PACC1: variants seen among roughly 807,000 people sequenced by gnomAD.
PACC1 encodes proton activated chloride channel 1.
In PACC1, 34 loss-of-function variants were observed where a neutral mutation model predicts 39.7. The observed-to-expected ratio is 0.86, with a 90% CI of 0.65 to 1.14. PACC1 has a LOEUF of 1.14. PACC1 is among the 50% of genes most tolerant of loss of function. The probability of loss-of-function intolerance (pLI) is 0.00; values close to 1 mark genes in which losing one functional copy is unlikely to be tolerated. For synonymous variants in PACC1, 127 were observed against 160.6 expected (o/e 0.79, Z 1.58); for missense variants, 379 against 436.4 (o/e 0.87, Z 1.17).
At chr1:212,378,500 TC>T (rs1660751897) in intron 5 of PACC1, among the ~76,000 whole-genome samples, 1 of 152,150 alleles carries the variant, frequency 6.6e-6, no homozygotes. Context: ...GGGAGCAGCC[TC>T]CCTGCCCCTG....
intron 2 of PACC1, among the ~76,000 whole-genome samples, chr1:212,401,503 G>A (rs1294467685): frequency 2.0e-5 from 3 of 151,102 alleles, no homozygotes; most frequent in Non-Finnish European, 2.9e-5. Context: ...GCACATGCTT[G>A]TAATCCCAGC....
intron 4 of PACC1, among the ~76,000 whole-genome samples, chr1:212,381,790 C>T (rs995527005): frequency 6.6e-6 from 1 of 151,292 alleles, no homozygotes; most frequent in Admixed American, 6.6e-5. Context: ...CACACACACA[C>T]ACACACTGCC....
intron 2 of PACC1, among the ~76,000 whole-genome samples, chr1:212,400,493 A>G (rs902568077): frequency 6.6e-6 from 1 of 152,212 alleles, no homozygotes; most frequent in Admixed American, 6.5e-5. Context: ...GCTTCTTTAC[A>G]GGCCTCTTCT....
intron 7 of PACC1, among the ~76,000 whole-genome samples, chr1:212,365,577 C>T (rs1427376872): frequency 2.0e-5 from 3 of 151,950 alleles, no homozygotes; most frequent in African/African-American, 4.8e-5. Flanking sequence ...ATTACAGGAA[C>T]CTGCCACCAC....
intron 2 of PACC1, among the ~76,000 whole-genome samples, chr1:212,392,291 A>G (rs1661351129): frequency 6.6e-6 from 1 of 152,254 alleles, no homozygotes. Context: ...AATATTCAAC[A>G]TTCTTAAAGA....
intron 7 of PACC1, among the ~76,000 whole-genome samples, chr1:212,368,205 T>A (rs1401452351): frequency 2.0e-5 from 3 of 152,174 alleles, no homozygotes; most frequent in Admixed American, 2.0e-4. Flanking sequence ...AGTGACTGAC[T>A]ACACGCTTAG....
intron 2 of PACC1, among the ~76,000 whole-genome samples, chr1:212,405,759 G>A (rs1331571364): frequency 5.3e-5 from 8 of 152,092 alleles, no homozygotes; most frequent in African/African-American, 9.7e-5. Context: ...ATTCCTTAAC[G>A]TCTGTGCCTT....
Position 212,379,774 on chromosome 1 carries a change from T to C in PACC1, c.638+121A>G, listed in dbSNP as rs1028659654. The stretch of plus-strand genomic sequence containing the variant: ...TGAGGTCCCTTCCTGGGCCAGTGGG[T>C]CATCTGAGAATGCCCCTTCCCTTCC... On this transcript the variant is annotated intron_variant, in intron 5 of 7. Coordinates refer to ENST00000261455, the MANE Select transcript of PACC1 (RefSeq NM_018252.3). The C allele has an allele frequency of 7.6e-5, 95 of 1,246,440 alleles. No individual in the cohort carries two copies. In the African/African-American group the frequency reaches 1.2e-3, roughly 16 times the overall value. 77.2% of individuals were successfully genotyped at this position (1,246,440 alleles called of 1,614,324 possible).
chr1:212,401,451 C>T (rs987660623), intron 2 of PACC1, among the ~76,000 whole-genome samples: 1 of 151,946 alleles, frequency 6.6e-6, no homozygotes, highest in African/African-American at 2.4e-5. Context: ...CATGGCAAAA[C>T]CTCGTCTCTA....
intron 7 of PACC1, among the ~76,000 whole-genome samples, chr1:212,374,900 A>G (rs1367420588): frequency 6.6e-6 from 1 of 152,226 alleles, no homozygotes; most frequent in Non-Finnish European, 1.5e-5. Flanking sequence ...ACTCCACTAT[A>G]TCCCAGATAA....
At chr1:212,414,698 C>T (rs775888686) in intron 1 of PACC1, 24 bp downstream of exon 1, 2 of 1,613,188 alleles carry the variant, frequency 1.2e-6, no homozygotes, top group African/African-American at 1.3e-5. Flanking sequence ...TCAAACTTCC[C>T]TTCCGTCTCT....
chr1:212,374,049 G>T (rs78103531), intron 7 of PACC1, among the ~76,000 whole-genome samples: 1 of 90,018 alleles, frequency 1.1e-5, no homozygotes, highest in African/African-American at 3.3e-5. Flanking sequence ...AAAAAGAAAA[G>T]AAAAAAAAAA....
chr1:212,381,973 T>C (rs2102490015), intron 4 of PACC1, among the ~76,000 whole-genome samples: 1 of 152,322 alleles, frequency 6.6e-6, no homozygotes, highest in South Asian at 2.1e-4. Context: ...TTGCAGGTTT[T>C]GTTTTTATTT....
intron 6 of PACC1, chr1:212,376,793 C>T (rs1660680762): frequency 6.6e-6 from 1 of 152,202 alleles, no homozygotes; most frequent in Admixed American, 6.5e-5. Context: ...TTAAGACTAA[C>T]CCAAGACAGT....
intron 2 of PACC1, among the ~76,000 whole-genome samples, chr1:212,388,921 G>A (rs1056766409): frequency 1.3e-5 from 2 of 152,134 alleles, no homozygotes; most frequent in African/African-American, 2.4e-5. Flanking sequence ...GCATCTGAAC[G>A]TAAGCCCCAA....
In PACC1 at chr1:212,386,459, A is replaced by G. The variant is rs981588583; in HGVS notation, c.343+432T>C. Among the ~76,000 whole-genome samples the G allele has an allele frequency of 6.6e-6, 1 of 151,482 alleles. No individual in the cohort carries two copies. The highest frequency in any genetic ancestry group is 1.5e-5 in the Non-Finnish European group (1 of 67,852). On this transcript the variant is annotated intron_variant, in intron 3 of 7. Coordinates refer to ENST00000261455, the MANE Select transcript of PACC1 (RefSeq NM_018252.3). The surrounding 1 kb of genome is among the most constrained non-coding windows in gnomAD (Gnocchi z 5.0). ...CCTCCCCTGCCATCCTCCCCACCCC[A>G]CAGTCCAGCCTTGACTCCTGCTTCT... is the stretch of plus-strand genomic sequence containing the variant.
In PACC1 at chr1:212,377,724, G is replaced by A. The variant is rs761438412; in HGVS notation, c.639-18C>T. On this transcript the variant is annotated intron_variant, in intron 5 of 7. Coordinates refer to ENST00000261455, the MANE Select transcript of PACC1 (RefSeq NM_018252.3). ...TGTTTGGGCTTGGAGGAAGGAAGGA[G>A]AAGGAAGATCCAGGTCAATGCAGGT... 7.4e-6 allele frequency: 12 copies of A among 1,613,440 alleles called. No homozygotes were observed. The Admixed American group carries it at 1.8e-4, about 25-fold the overall frequency.
At chr1:212,365,614 T>C (rs1660212341) in intron 7 of PACC1, among the ~76,000 whole-genome samples, 1 of 152,022 alleles carries the variant, frequency 6.6e-6, no homozygotes, top group Admixed American at 6.5e-5. Context: ...GTATGTTTAG[T>C]AGTGTTATTA....
intron 2 of PACC1, among the ~76,000 whole-genome samples, chr1:212,409,405 A>G (rs1014857014): frequency 2.0e-5 from 3 of 152,218 alleles, no homozygotes; most frequent in African/African-American, 7.2e-5. Flanking sequence ...TATGTGAAGA[A>G]GGAAAGTGAA....
Sources: gnomAD v4.1 joint callset for allele counts (sites outside exome capture counted in the v4.1 genomes callset) on GRCh38, gnomAD v4.1.1 for gene constraint, Gnocchi (gnomAD v3.1) non-coding constraint, MANE v1.5 for transcripts, NCBI Gene and HGNC (gene_info 2026-07-23, HGNC 2026-07-21) for gene names.